The following SPATA7 variants were observed in gnomAD, a reference collection of about 807,000 sequenced individuals.
SPATA7 encodes the protein spermatogenesis associated 7.
A neutral mutation model predicts 51.8 loss-of-function variants in SPATA7; 43 were observed. The observed-to-expected ratio is 0.83, with a 90% CI of 0.65 to 1.07. SPATA7 has a LOEUF of 1.07. SPATA7 is among the 50% of genes least tolerant of loss of function. The pLI is 0.00. For missense variants in SPATA7, 683 were observed against 701.3 expected, an observed-to-expected ratio of 0.97 and a Z score of 0.30; for synonymous variants, 230 against 252.8, an observed-to-expected ratio of 0.91 and a Z score of 0.86.
chr14:88,427,808 TATC>T (rs2076838229), intron 7 of SPATA7, 112 bp downstream of exon 7: 9 of 815,642 alleles, frequency 1.1e-5, no homozygotes, highest in Non-Finnish European at 1.7e-5. Context: ...TGGTGGCACT[TATC>T]ATACATGATA....
At chr14:88,441,053 CA>C (rs2077175033), downstream of SPATA7, among the ~76,000 whole-genome samples, 1 of 152,158 alleles carries the variant, frequency 6.6e-6, no homozygotes, top group Admixed American at 6.6e-5. Flanking sequence ...GCTTAGCTCC[CA>C]CTTATGAGTG....
At chr14:88,444,326 G>A (rs1243294489) in intron 3 of SPATA7, among the ~76,000 whole-genome samples, 1 of 152,006 alleles carries the variant, frequency 6.6e-6, no homozygotes, top group Admixed American at 6.6e-5. Context: ...CTTTTTAATG[G>A]GGTTGTTTGT....
downstream of SPATA7, among the ~76,000 whole-genome samples, chr14:88,460,266 G>A (rs1329554328): frequency 1.3e-5 from 2 of 152,082 alleles, no homozygotes; most frequent in Middle Eastern, 3.2e-3. Context: ...GCCTTGCTAG[G>A]TTGGGGAAGT....
At chr14:88,444,897 A>G (rs2140040403) in intron 3 of SPATA7, among the ~76,000 whole-genome samples, 1 of 152,282 alleles carries the variant, frequency 6.6e-6, no homozygotes, top group African/African-American at 2.4e-5. Context: ...GCCTTGTAGT[A>G]TAGTATGAAG....
chr14:88,417,304 GT>G (rs11330123), intron 5 of SPATA7, among the ~76,000 whole-genome samples: 77,081 of 141,136 alleles, frequency 0.55, 22,948 homozygotes, highest in Admixed American at 0.69. Context: ...AATCTGTGGG[GT>G]TTTTTTTTTT....
chr14:88,454,289 T>C (rs1377868280), intron 3 of SPATA7, among the ~76,000 whole-genome samples: 1 of 152,162 alleles, frequency 6.6e-6, no homozygotes, highest in Non-Finnish European at 1.5e-5. Flanking sequence ...TAGCCAATTG[T>C]GGAGGATCTT....
intron 4 of SPATA7, 63 bp from the exon 5 acceptor site, chr14:88,416,648 C>G (rs2076485435): frequency 6.5e-7 from 1 of 1,527,970 alleles, no homozygotes; most frequent in Non-Finnish European, 9.0e-7. Flanking sequence ...ATTACTCTAA[C>G]AAGACCAAAA....
In SPATA7 at chr14:88,469,563, G is replaced by A; in HGVS notation, c.255-284G>A. 6.2e-7 allele frequency: 1 copy of A among 1,614,164 alleles called. No individual in the cohort carries two copies. The highest frequency in any genetic ancestry group is 1.6e-4 in the Middle Eastern group (1 of 6,062). On this transcript the variant is annotated intron_variant, in intron 4 of 4. Transcript: ENST00000556406. This position sits in a 1 kb window ranked among gnomAD's most constrained non-coding sequence, Gnocchi z 4.3. ...GCCAGTCTGTGTATTGGAGGTGCCA[G>A]ACGGTCCTCTCTTGCCCAGTAAGGA...
At chr14:88,400,092 G>A (rs1204402722) in intron 4 of SPATA7, among the ~76,000 whole-genome samples, 1 of 152,004 alleles carries the variant, frequency 6.6e-6, no homozygotes, top group Non-Finnish European at 1.5e-5. Context: ...AAAATCAGAC[G>A]TAACATATTT....
At chr14:88,411,778 C>G (rs2076348384) in intron 4 of SPATA7, among the ~76,000 whole-genome samples, 1 of 152,138 alleles carries the variant, frequency 6.6e-6, no homozygotes, top group Non-Finnish European at 1.5e-5. Flanking sequence ...CAGGTTGGTT[C>G]CATATCTTTG....
intron 1 of SPATA7, among the ~76,000 whole-genome samples, chr14:88,391,129 A>T (rs1015123100): frequency 6.6e-5 from 10 of 152,178 alleles, no homozygotes; most frequent in African/African-American, 2.4e-4. Context: ...ACCTGATAGC[A>T]AACTAGCCAT....
intron 4 of SPATA7, among the ~76,000 whole-genome samples, chr14:88,461,626 G>GCGTC (rs2077318096): frequency 6.6e-6 from 1 of 152,104 alleles, no homozygotes; most frequent in South Asian, 2.1e-4. Flanking sequence ...CCTTGGCTAG[G>GCGTC]AAAGGGAATT....
chr14:88,394,026 T>C (rs2075815178), intron 3 of SPATA7, among the ~76,000 whole-genome samples: 1 of 152,166 alleles, frequency 6.6e-6, no homozygotes, highest in African/African-American at 2.4e-5. Context: ...GTACAGCCCA[T>C]GAACTAAGAA....
At chr14:88,397,845 A>T (rs1482714268) in intron 4 of SPATA7, among the ~76,000 whole-genome samples, 6 of 152,084 alleles carry the variant, frequency 3.9e-5, no homozygotes, top group Non-Finnish European at 1.5e-5. Flanking sequence ...ACTTTATGGG[A>T]GGCCGAGGCA....
chr14:88,412,784 T>C (rs1237234793), intron 4 of SPATA7, among the ~76,000 whole-genome samples: 2 of 152,218 alleles, frequency 1.3e-5, no homozygotes, highest in African/African-American at 4.8e-5. Context: ...TTCTTTTGCA[T>C]TGCACAAGCT....
At chr14:88,401,323 A>G in intron 4 of SPATA7, among the ~76,000 whole-genome samples, 1 of 152,220 alleles carries the variant, frequency 6.6e-6, no homozygotes, top group East Asian at 1.9e-4. Context: ...CTCTCTCAAC[A>G]AAATAGGAAT....
At chr14:88,398,442 A>T (rs2139892765) in intron 4 of SPATA7, among the ~76,000 whole-genome samples, 1 of 136,562 alleles carries the variant, frequency 7.3e-6, no homozygotes, top group African/African-American at 2.8e-5. Context: ...GATCACATGG[A>T]CACAGGAAGG....
At chr14:88,399,405 G>A (rs2075993679) in intron 4 of SPATA7, among the ~76,000 whole-genome samples, 1 of 152,002 alleles carries the variant, frequency 6.6e-6, no homozygotes, top group Non-Finnish European at 1.5e-5. Context: ...TTTTAAAGGA[G>A]GAAAAAAGGC....
downstream of SPATA7, among the ~76,000 whole-genome samples, chr14:88,440,684 G>C (rs1454049819): frequency 6.6e-6 from 1 of 152,138 alleles, no homozygotes; most frequent in Non-Finnish European, 1.5e-5. Context: ...TTCCTTTTGA[G>C]CTGTGACTTT....
Sources: gnomAD v4.1 joint callset for allele counts (sites outside exome capture counted in the v4.1 genomes callset) on GRCh38, gnomAD v4.1.1 for gene constraint, Gnocchi (gnomAD v3.1) non-coding constraint, MANE v1.5 for transcripts, NCBI Gene and HGNC (gene_info 2026-07-23, HGNC 2026-07-21) for gene names.